The following CCSAP variants were observed in gnomAD, a reference collection of about 807,000 sequenced individuals.
CCSAP encodes the protein centriole, cilia and spindle associated protein, also known as centriole, cilia and spindle-associated protein.
Under a neutral mutation model 25.9 loss-of-function variants are expected in CCSAP, and 17 were observed. The observed-to-expected ratio is 0.66, with a 90% confidence interval of 0.45 to 0.99. The LOEUF (loss-of-function observed/expected upper bound fraction) is 0.99. Among genes scored for constraint, CCSAP ranks in the 50% least tolerant of loss-of-function variants. The probability of loss-of-function intolerance (pLI) is 0.00; values close to 1 mark genes in which losing one functional copy is unlikely to be tolerated. For synonymous variants in CCSAP, 169 were observed against 157.1 expected (o/e 1.08, Z -0.57); for missense variants, 339 against 367.8 (o/e 0.92, Z 0.64).
intron 2 of CCSAP, among the ~76,000 whole-genome samples, chr1:229,340,194 C>T (rs1658297658): frequency 6.6e-6 from 1 of 152,084 alleles, no homozygotes; most frequent in Admixed American, 6.5e-5. Flanking sequence ...ACTTAAAAAC[C>T]AGGATATTTA....
In CCSAP at chr1:229,321,490, A is replaced by G. The variant is rs1449283414; in HGVS notation, c.*3745T>C. 6.6e-6 allele frequency: 1 copy of G among 152,208 alleles called. No individual in the cohort carries two copies. Among genetic ancestry groups the G allele is most frequent in the East Asian group, 1.9e-4 (1 of 5,204 alleles). The allele number at this position is 152,208 out of a possible 1,614,324, so 9.4% of individuals were successfully genotyped here. A position where few individuals can be genotyped will look rare whatever the true frequency, so the allele number is the denominator to read the frequency against. ...TTCATTTCAAATGCAAACGTTGTGC[A>G]ATGACCAGGTCATATTTTTAAGATC... is the stretch of plus-strand genomic sequence containing the variant. On this transcript the variant is annotated 3_prime_UTR_variant, in exon 4 of 4. Transcript: ENST00000284617.
chr1:229,331,966 C>T (rs1658079758), intron 2 of CCSAP, among the ~76,000 whole-genome samples: 1 of 151,984 alleles, frequency 6.6e-6, no homozygotes, highest in African/African-American at 2.4e-5. Flanking sequence ...CCTCAGCCTC[C>T]CAAATAGCTG....
Position 229,342,414 on chromosome 1 carries a change from G to T in CCSAP, c.52C>A (p.Pro18Thr). The T allele has an allele frequency of 6.9e-7, 1 of 1,445,830 alleles. No individual in the cohort carries two copies. Among genetic ancestry groups the T allele is most frequent in the South Asian group, 1.5e-5 (1 of 68,102 alleles). The allele number at this position is 1,445,830 out of a possible 1,614,324, so 89.6% of individuals were successfully genotyped here. The change falls in exon 2 of 4, where the codon CCG becomes ACG. Residue 18 changes from proline to threonine, a missense_variant. By Grantham distance (38) the Pro-to-Thr change is conservative. Transcript: ENST00000284617. This position sits in a 1 kb window ranked among gnomAD's most constrained non-coding sequence, Gnocchi z 7.5. ...KSEYMKRYQE[P>T]RWEEYGPCYR... ...CACGGCCCGTACTCCTCCCAGCGCGGCTCCTGGTAGCGCTTCATGTACTCG... is the reference window on the plus strand; with the variant it reads ...CACGGCCCGTACTCCTCCCAGCGCGTCTCCTGGTAGCGCTTCATGTACTCG...
At chr1:229,331,064 G>A (rs185381760) in intron 2 of CCSAP, among the ~76,000 whole-genome samples, 1 of 151,990 alleles carries the variant, frequency 6.6e-6, no homozygotes, top group East Asian at 1.9e-4. Flanking sequence ...AGGATGACCT[G>A]GAAAAGCTAA....
intron 2 of CCSAP, among the ~76,000 whole-genome samples, chr1:229,337,984 A>T (rs1161744300): frequency 6.6e-6 from 1 of 152,098 alleles, no homozygotes; most frequent in Non-Finnish European, 1.5e-5. Flanking sequence ...AATTTCAGGA[A>T]AACCATAAAT....
chr1:229,337,678 A>AAAAAAAAAAAAAT, intron 2 of CCSAP, among the ~76,000 whole-genome samples: 2 of 65,514 alleles, frequency 3.1e-5, no homozygotes, highest in Admixed American at 1.9e-4. Flanking sequence ...CTCAAAAAAA[A>AAAAAAAAAAAAAT]ATATATATAT....
intron 3 of CCSAP, among the ~76,000 whole-genome samples, chr1:229,325,957 T>C (rs1656046570): frequency 6.6e-6 from 1 of 152,252 alleles, no homozygotes; most frequent in African/African-American, 2.4e-5. Context: ...TAACACCATT[T>C]GCTAGGGTTC....
chr1:229,325,714 G>A (rs546821288), intron 3 of CCSAP, among the ~76,000 whole-genome samples: 28 of 152,292 alleles, frequency 1.8e-4, no homozygotes, highest in East Asian at 1.9e-4. Flanking sequence ...AAAACTGTCC[G>A]AACTGCTTAG....
chr1:229,341,275 G>A (rs141586816), intron 2 of CCSAP, among the ~76,000 whole-genome samples: 8 of 151,320 alleles, frequency 5.3e-5, no homozygotes, highest in Non-Finnish European at 8.8e-5. Flanking sequence ...CATATTCCCA[G>A]ATCAGTGACT....
chr1:229,335,457 G>A (rs950746391), intron 2 of CCSAP, among the ~76,000 whole-genome samples: 3 of 152,278 alleles, frequency 2.0e-5, no homozygotes, highest in East Asian at 1.9e-4. Flanking sequence ...TAATATGGAC[G>A]TGCTCTGTTG....
rs192004124 is a variant in CCSAP at position 229,338,151 on chromosome 1, G to C, written c.367+3948C>G. On this transcript the variant is annotated intron_variant, in intron 2 of 3. Coordinates refer to ENST00000284617, the MANE Select transcript of CCSAP (RefSeq NM_145257.5). ...GGAAATGGGTGTTGGTATGTGTCTGGGGGTAGAATAGGGAAGGCAGAGCTA... is the reference window on the plus strand; with the variant it reads ...GGAAATGGGTGTTGGTATGTGTCTGCGGGTAGAATAGGGAAGGCAGAGCTA... Among the ~76,000 whole-genome samples, 7 of 152,220 alleles carry C rather than the reference G, an allele frequency of 4.6e-5. No individual in the cohort carries two copies. The South Asian group carries it at 1.2e-3, about 27-fold the overall frequency.
At chr1:229,335,189 C>G (rs1490112074) in intron 2 of CCSAP, among the ~76,000 whole-genome samples, 1 of 152,124 alleles carries the variant, frequency 6.6e-6, no homozygotes, top group Non-Finnish European at 1.5e-5. Context: ...TATAATGACG[C>G]ACACCTGTGG....
intron 2 of CCSAP, among the ~76,000 whole-genome samples, chr1:229,336,945 A>C (rs1380748539): frequency 6.6e-6 from 1 of 152,182 alleles, no homozygotes; most frequent in African/African-American, 2.4e-5. Flanking sequence ...GGGAAATAAC[A>C]TTGAAGGGTT....
Position 229,336,144 on chromosome 1 carries a change from G to A in CCSAP, c.367+5955C>T, listed in dbSNP as rs751860941. 3.3e-4 allele frequency among the ~76,000 whole-genome samples: 48 copies of A among 147,364 alleles called. 2 individuals carry two copies. The highest frequency in any genetic ancestry group is 3.5e-3 in the Middle Eastern group (1 of 288). On this transcript the variant is annotated intron_variant, in intron 2 of 3. Coordinates refer to ENST00000284617, the MANE Select transcript of CCSAP (RefSeq NM_145257.5). ...TGGTATCCATGGGGGTATCTCGGAT[G>A]CAATCTCTCCCAGATACCAAGGGAC...
intron 2 of CCSAP, among the ~76,000 whole-genome samples, chr1:229,330,461 A>C (rs1437900748): frequency 1.3e-5 from 2 of 152,368 alleles, no homozygotes; most frequent in African/African-American, 4.8e-5. Flanking sequence ...CAGGCAAAGA[A>C]AGGAGAACCC....
chr1:229,331,703 C>T lies in CCSAP; in HGVS notation c.368-4697G>A, dbSNP rs569379065. On this transcript the variant is annotated intron_variant, in intron 2 of 3. Transcript: ENST00000284617. ...CTAAGCTCAGGAGGTTCCTGGAGGC[C>T]GGCGAGACAGCATGGAAGCTTCTCA... Among the ~76,000 whole-genome samples the T allele has an allele frequency of 9.1e-4, 138 of 152,028 alleles. 1 individual carries two copies. In the South Asian group the frequency reaches 0.013, roughly 14 times the overall value.
intron 2 of CCSAP, among the ~76,000 whole-genome samples, chr1:229,337,342 G>A (rs868311307): frequency 6.6e-6 from 1 of 152,038 alleles, no homozygotes; most frequent in Non-Finnish European, 1.5e-5. Flanking sequence ...ACTATGACCT[G>A]AAGCTAGGAT....
At chr1:229,334,399 T>C (rs577687058) in intron 2 of CCSAP, among the ~76,000 whole-genome samples, 1 of 152,272 alleles carries the variant, frequency 6.6e-6, no homozygotes, top group South Asian at 2.1e-4. Context: ...AATTTGAAAA[T>C]GAGTTTGAAT....
Position 229,326,993 on chromosome 1 carries a change from T to G in CCSAP, c.381A>C (p.Lys127Asn). ...EDAALPALPV[K>N]DVEDKPEQQT... is the part of the protein sequence containing the mutation. ...GTTGTTCAGGTTTATCTTCTACATC[T>G]TTCACTGGCAGTGCTTTTGAAAAGA... Residue 127 changes from lysine to asparagine, a missense_variant, in exon 3 of 4, where the codon AAA (lysine) becomes AAC (asparagine). Transcript: ENST00000284617. The G allele has an allele frequency of 6.2e-7, 1 of 1,606,232 alleles. No individual in the cohort carries two copies. The highest frequency in any genetic ancestry group is 8.5e-7 in the Non-Finnish European group (1 of 1,175,006).
Sources: gnomAD v4.1 joint callset for allele counts (sites outside exome capture counted in the v4.1 genomes callset) on GRCh38, gnomAD v4.1.1 for gene constraint, Gnocchi (gnomAD v3.1) non-coding constraint, MANE v1.5 for transcripts, NCBI Gene and HGNC (gene_info 2026-07-23, HGNC 2026-07-21) for gene names.